RBFOX1: variants seen among roughly 807,000 people sequenced by gnomAD.
RBFOX1 encodes the protein RNA binding fox-1 homolog 1.
A neutral mutation model predicts 57.7 loss-of-function variants in RBFOX1; 8 were observed. The ratio of observed to expected loss-of-function variants is 0.14; its 90% CI spans 0.08 to 0.25. The LOEUF (loss-of-function observed/expected upper bound fraction) is 0.25, where lower values mean the gene tolerates loss of function less well. Ranked by LOEUF, RBFOX1 falls within the 10% of genes least tolerant of loss-of-function variation. The probability of loss-of-function intolerance (pLI) is 1.00; values close to 1 mark genes in which losing one functional copy is unlikely to be tolerated. For missense variants in RBFOX1, 611 were observed against 548.5 expected (o/e 1.11, Z -1.14); for synonymous variants, 326 against 222.4 (o/e 1.47, Z -4.15).
rs370630122 is a variant in RBFOX1, at chr16:6,872,327, T to C, written c.-15-179730T>C. On this transcript the variant is annotated intron_variant, in intron 3 of 15. Transcript: ENST00000550418. The stretch of plus-strand genomic sequence containing the variant: ...TCTGCAGTCTGTCTCCCTCTCTTCC[T>C]TCCTCCCTTCTCTCTGTTTCTCTCT... Among the ~76,000 whole-genome samples, 65 of 152,302 alleles carry C rather than the reference T, an allele frequency of 4.3e-4. 1 individual carries two copies. The highest frequency in any genetic ancestry group is 1.6e-3 in the African/African-American group (65 of 41,566).
chr16:6,451,622 G>A, intron 2 of RBFOX1, among the ~76,000 whole-genome samples: 1 of 152,240 alleles, frequency 6.6e-6, no homozygotes, highest in Middle Eastern at 3.4e-3. Context: ...GATACTTCCT[G>A]GTCATCTTTC....
chr16:7,419,538 G>C (rs551209934), intron 4 of RBFOX1, among the ~76,000 whole-genome samples: 5 of 152,314 alleles, frequency 3.3e-5, no homozygotes, highest in Admixed American at 2.0e-4. Context: ...TAATACATCT[G>C]ATTACCATGG....
chr16:6,995,720 C>T (rs2092151219), intron 3 of RBFOX1, among the ~76,000 whole-genome samples: 1 of 145,504 alleles, frequency 6.9e-6, no homozygotes, highest in African/African-American at 2.8e-5. Flanking sequence ...AAGATCATGC[C>T]ACCGCACTGC....
intron 1 of RBFOX1, among the ~76,000 whole-genome samples, chr16:5,360,963 G>A (rs2065532547): frequency 6.6e-6 from 1 of 152,138 alleles, no homozygotes; most frequent in African/African-American, 2.4e-5. Context: ...GTGAGGAGGT[G>A]TGTAACCCTG....
At chr16:7,244,487 G>T (rs936452408) in intron 4 of RBFOX1, among the ~76,000 whole-genome samples, 1 of 152,126 alleles carries the variant, frequency 6.6e-6, no homozygotes, top group Non-Finnish European at 1.5e-5. Context: ...ATCATATTCA[G>T]TTTTCTTAAG....
intron 3 of RBFOX1, among the ~76,000 whole-genome samples, chr16:6,690,758 C>CT (rs71145276): frequency 0.79 from 111,189 of 140,972 alleles, 44,399 homozygotes; most frequent in South Asian, 0.92. Context: ...TTCTTTCTTT[C>CT]TTTTTTTTTT....
At chr16:6,809,349 C>G (rs140849590) in intron 3 of RBFOX1, among the ~76,000 whole-genome samples, 120 of 152,180 alleles carry the variant, frequency 7.9e-4, no homozygotes, top group African/African-American at 2.6e-3. Context: ...TGTAGATTGC[C>G]TCTAAGTGCC....
At chr16:6,498,270 A>AG (rs57632782) in intron 2 of RBFOX1, among the ~76,000 whole-genome samples, 1 of 151,418 alleles carries the variant, frequency 6.6e-6, no homozygotes, top group Admixed American at 6.6e-5. Flanking sequence ...AAAAAAAAAA[A>AG]GGATGACAAT....
chr16:6,266,302 G>C (rs954728536), intron 1 of RBFOX1, among the ~76,000 whole-genome samples: 1 of 152,216 alleles, frequency 6.6e-6, no homozygotes, highest in African/African-American at 2.4e-5. Flanking sequence ...TCTGAGGTCA[G>C]TTGTTACTGC....
intron 4 of RBFOX1, among the ~76,000 whole-genome samples, chr16:7,269,794 G>A (rs556008768): frequency 6.6e-6 from 1 of 152,072 alleles, no homozygotes; most frequent in Non-Finnish European, 1.5e-5. Context: ...TGTCAGGGTC[G>A]GAAGATATGA....
chr16:7,459,302 G>A (rs897327289), intron 4 of RBFOX1, among the ~76,000 whole-genome samples: 1 of 152,180 alleles, frequency 6.6e-6, no homozygotes, highest in Non-Finnish European at 1.5e-5. Context: ...CACACTTTCT[G>A]GAGAAAGTCC....
chr16:5,312,959 C>T (rs1052624066), intron 1 of RBFOX1, among the ~76,000 whole-genome samples: 9 of 152,180 alleles, frequency 5.9e-5, no homozygotes, highest in Non-Finnish European at 1.3e-4. Context: ...CAGCAGTAGG[C>T]GCTTATTTGT....
At chr16:7,634,848 A>C (rs533326013) in intron 11 of RBFOX1, among the ~76,000 whole-genome samples, 1 of 152,354 alleles carries the variant, frequency 6.6e-6, no homozygotes, top group East Asian at 1.9e-4. Flanking sequence ...GCTTTCTATG[A>C]AACTTAAATG....
chr16:6,398,753 G>C (rs568553767), intron 2 of RBFOX1, among the ~76,000 whole-genome samples: 1 of 152,332 alleles, frequency 6.6e-6, no homozygotes, highest in South Asian at 2.1e-4. Flanking sequence ...TCATGGGCTG[G>C]CATTGAGTGT....
intron 5 of RBFOX1, among the ~76,000 whole-genome samples, chr16:7,560,544 A>G (rs1038091071): frequency 6.6e-6 from 1 of 151,932 alleles, no homozygotes; most frequent in African/African-American, 2.4e-5. Flanking sequence ...AAAAAAAAAA[A>G]AAGCAAAAAT....
chr16:6,315,408 G>A (rs12925380), intron 1 of RBFOX1, among the ~76,000 whole-genome samples: 47,516 of 150,484 alleles, frequency 0.32, 7,924 homozygotes, highest in Middle Eastern at 0.4. Context: ...ATGGGTCTAT[G>A]GGTGGATAGG....
At chr16:6,184,293 C>T (rs1053306665) in intron 1 of RBFOX1, among the ~76,000 whole-genome samples, 4 of 152,064 alleles carry the variant, frequency 2.6e-5, no homozygotes. Context: ...ACATGAGCAA[C>T]ATGACATCAT....
intron 3 of RBFOX1, among the ~76,000 whole-genome samples, chr16:6,732,538 G>T (rs1413411461): frequency 6.6e-6 from 1 of 152,206 alleles, no homozygotes; most frequent in African/African-American, 2.4e-5. Flanking sequence ...AGTGTAGCAG[G>T]CAATTGCTTT....
chr16:7,232,320 T>G (rs1016410757), intron 4 of RBFOX1, among the ~76,000 whole-genome samples: 2 of 152,126 alleles, frequency 1.3e-5, no homozygotes, highest in South Asian at 2.1e-4. Flanking sequence ...GGAGAAAACT[T>G]AAGTGAGATA....
Sources: allele counts gnomAD v4.1 joint callset (sites outside exome capture counted in the v4.1 genomes callset), GRCh38; gene constraint gnomAD v4.1.1; transcripts MANE v1.5; gene names NCBI Gene and HGNC (gene_info 2026-07-23, HGNC 2026-07-21).